Variants in SATB1 observed in about 807,000 individuals in gnomAD.
The protein encoded by SATB1 is DNA-binding protein SATB1.
In SATB1, 11 loss-of-function variants were observed where a neutral mutation model predicts 86.9. That is an observed-to-expected ratio of 0.13 (90% CI 0.08 to 0.21). The LOEUF is 0.21. Ranked by LOEUF, SATB1 falls within the 10% of genes least tolerant of loss-of-function variation. The pLI is 1.00. For missense variants in SATB1, 551 were observed against 937.6 expected (o/e 0.59, Z 5.39); for synonymous variants, 357 against 357.2 (o/e 1.00, Z 0.01).
chr3:18,362,631 G>C (rs1694957676), intron 9 of SATB1, among the ~76,000 whole-genome samples: 1 of 151,516 alleles, frequency 6.6e-6, no homozygotes, highest in South Asian at 2.1e-4. Flanking sequence ...TCTGTCAAAG[G>C]CAAATAAAAT....
At chr3:18,417,133 G>C in intron 2 of SATB1, 55 bp from the exon 3 acceptor site, 5 of 1,553,862 alleles carry the variant, frequency 3.2e-6, no homozygotes, top group Non-Finnish European at 4.4e-6. Context: ...CAGAAATACA[G>C]CTTGGGGGTG....
intron 9 of SATB1, among the ~76,000 whole-genome samples, chr3:18,354,621 T>G (rs1694539708): frequency 6.6e-6 from 1 of 152,162 alleles, no homozygotes; most frequent in African/African-American, 2.4e-5. Context: ...AAGAAAAGCT[T>G]CTTGGAGAGA....
At chr3:18,400,721 C>T (rs1005728299) in intron 5 of SATB1, among the ~76,000 whole-genome samples, 2 of 152,274 alleles carry the variant, frequency 1.3e-5, no homozygotes, top group Admixed American at 1.3e-4. Context: ...GCCTCCTCCT[C>T]ATCACTGGGC....
Position 18,352,521 on chromosome 3 carries a change from CAACTTTG to C in SATB1, c.1576-333_1576-327del. The C allele has an allele frequency of 4.1e-6, 1 of 245,832 alleles. No individual in the cohort carries two copies. The highest frequency in any genetic ancestry group is 6.7e-5 in the South Asian group (1 of 14,884). The allele number at this position is 245,832 out of a possible 1,614,324, so 15.2% of individuals were successfully genotyped here. A position where few individuals can be genotyped will look rare whatever the true frequency, so the allele number is the denominator to read the frequency against. ...AAAGTTGATGTGCTTCAGTCTTGCA[CAACTTTG>C]CTATCTGACGAGTGGCTGGCCATCT... On this transcript the variant is annotated intron_variant, in intron 9 of 10. Coordinates refer to ENST00000338745, the MANE Select transcript of SATB1 (RefSeq NM_002971.6). The surrounding 1 kb of genome is among the most constrained non-coding windows in gnomAD (Gnocchi z 4.1).
chr3:18,445,452 G>GGCGCTTGGGGGT (rs916493310), intron 1 of SATB1: 20 of 985,128 alleles, frequency 2.0e-5, no homozygotes, highest in Middle Eastern at 1.0e-3. Context: ...GGTAAGTGTG[G>GGCGCTTGGGGGT]GCGCTTGGGG....
chr3:18,376,806 T>C (rs1219188611), intron 9 of SATB1, among the ~76,000 whole-genome samples: 1 of 152,194 alleles, frequency 6.6e-6, no homozygotes, highest in East Asian at 1.9e-4. Context: ...GGTGGCCTGA[T>C]GTATGACACG....
At position 18,347,197 on chromosome 3, in the gene SATB1, G is replaced by C. The variant is rs2125118952; in HGVS notation, c.*1973C>G. ...GAAGATGGTAGGCAGAAAGAGAAGG[G>C]GCAATTGCAAAATGGTATCTCAAGC... On this transcript the variant is annotated 3_prime_UTR_variant, in exon 11 of 11. Coordinates refer to ENST00000338745, the MANE Select transcript of SATB1 (RefSeq NM_002971.6). 6.6e-6 allele frequency: 1 copy of C among 152,100 alleles called. No homozygotes were observed. The highest frequency in any genetic ancestry group is 1.9e-4 in the East Asian group (1 of 5,174). The allele number at this position is 152,100 out of a possible 1,614,324, so 9.4% of individuals were successfully genotyped here. A position where few individuals can be genotyped will look rare whatever the true frequency, so the allele number is the denominator to read the frequency against.
intron 1 of SATB1, among the ~76,000 whole-genome samples, chr3:18,421,760 T>C (rs1315122433): frequency 3.3e-5 from 5 of 151,660 alleles, no homozygotes; most frequent in African/African-American, 7.3e-5. Flanking sequence ...CCATTAGTAA[T>C]AGAGGGCTGT....
intron 9 of SATB1, among the ~76,000 whole-genome samples, chr3:18,364,892 G>C (rs377224519): frequency 8.6e-5 from 13 of 151,848 alleles, no homozygotes; most frequent in East Asian, 3.9e-4. Context: ...AGATGGGTTA[G>C]AGAAAAACAG....
intron 9 of SATB1, among the ~76,000 whole-genome samples, chr3:18,355,813 TA>T (rs1206997298): frequency 6.6e-6 from 1 of 151,892 alleles, no homozygotes; most frequent in Non-Finnish European, 1.5e-5. Context: ...CTAACAGCCT[TA>T]AAATAATGAG....
At chr3:18,410,981 C>T (rs926054946) in intron 5 of SATB1, 20 of 394,960 alleles carry the variant, frequency 5.1e-5, no homozygotes, top group Non-Finnish European at 7.1e-5. Context: ...TTCAGGAGCA[C>T]GAGGTAGTTT....
At chr3:18,437,495 G>T (rs560888895) in intron 1 of SATB1, among the ~76,000 whole-genome samples, 1 of 151,956 alleles carries the variant, frequency 6.6e-6, no homozygotes, top group South Asian at 2.1e-4. Flanking sequence ...TTTTAACATG[G>T]TTGTTAATAT....
chr3:18,393,304 T>G (rs1446542125), intron 7 of SATB1, among the ~76,000 whole-genome samples: 2 of 151,732 alleles, frequency 1.3e-5, no homozygotes, highest in Non-Finnish European at 2.9e-5. Flanking sequence ...CTAATCAAAG[T>G]TACGCGGTTT....
At chr3:18,382,803 C>CA (rs1696131755) in intron 8 of SATB1, among the ~76,000 whole-genome samples, 1 of 152,170 alleles carries the variant, frequency 6.6e-6, no homozygotes, top group Non-Finnish European at 1.5e-5. Flanking sequence ...CTATGACAAA[C>CA]AAAAAGATCT....
intron 10 of SATB1, chr3:18,351,761 G>GT (rs1323543942): frequency 1.8e-6 from 1 of 554,932 alleles, no homozygotes. Context: ...TAAAAAAGGG[G>GT]TTCCTGTTGC....
chr3:18,355,124 G>A (rs1295841290), intron 9 of SATB1, among the ~76,000 whole-genome samples: 2 of 151,984 alleles, frequency 1.3e-5, no homozygotes, highest in South Asian at 4.1e-4. Context: ...GGTGCAGCTG[G>A]GAACTGTTTG....
At chr3:18,369,308 C>T (rs528134069) in intron 9 of SATB1, among the ~76,000 whole-genome samples, 1 of 151,750 alleles carries the variant, frequency 6.6e-6, no homozygotes, top group African/African-American at 2.4e-5. Context: ...ATGCACCCTA[C>T]CCACCCCCCT....
In SATB1 at chr3:18,371,929, TG is replaced by T. The variant is rs551697042; in HGVS notation, c.1575+6240del. On this transcript the variant is annotated intron_variant, in intron 9 of 10. Transcript: ENST00000338745. Reference sequence around the variant, plus strand: ...ATTCCTGTTAGGAGTGAAACCTTGTTGATTTGCTGTTTTCCCTACTTTCTGT... The same window carrying T: ...ATTCCTGTTAGGAGTGAAACCTTGTTATTTGCTGTTTTCCCTACTTTCTGT... 2.0e-3 allele frequency among the ~76,000 whole-genome samples: 299 copies of T among 152,320 alleles called. 3 individuals are homozygous for T. Among genetic ancestry groups the T allele is most frequent in the Non-Finnish European group, 2.4e-3 (163 of 68,006 alleles).
intron 4 of SATB1, among the ~76,000 whole-genome samples, chr3:18,415,600 AT>A (rs1242544922): frequency 2.6e-5 from 4 of 152,128 alleles, no homozygotes; most frequent in Non-Finnish European, 5.9e-5. Context: ...TCATAAAAAA[AT>A]AAATAAATAA....
Sources: allele counts gnomAD v4.1 joint callset (sites outside exome capture counted in the v4.1 genomes callset), GRCh38; gene constraint gnomAD v4.1.1; non-coding constraint Gnocchi (gnomAD v3.1); transcripts MANE v1.5; gene names NCBI Gene and HGNC (gene_info 2026-07-23, HGNC 2026-07-21).